Variants in SETBP1 observed in about 807,000 individuals in gnomAD.
SETBP1 encodes SET binding protein 1.
SETBP1 carries 9 observed loss-of-function variants against 101.0 expected under a neutral mutation model. The observed-to-expected ratio is 0.09, with a 90% confidence interval of 0.05 to 0.16. SETBP1 has a LOEUF of 0.16. Ranked by LOEUF, SETBP1 falls within the 10% of genes least tolerant of loss-of-function variation. The probability of loss-of-function intolerance (pLI) is 1.00; values close to 1 mark genes in which losing one functional copy is unlikely to be tolerated. For missense variants in SETBP1, 1,858 were observed against 2,033.8 expected, an observed-to-expected ratio of 0.91 and a Z score of 1.66; for synonymous variants, 818 against 788.5, an observed-to-expected ratio of 1.04 and a Z score of -0.63.
At chr18:44,936,352 GCCACTGCATT>G (rs1332856832) in intron 3 of SETBP1, among the ~76,000 whole-genome samples, 1 of 152,214 alleles carries the variant, frequency 6.6e-6, no homozygotes, top group Non-Finnish European at 1.5e-5. Context: ...ATGCAGCAGT[GCCACTGCATT>G]CCAATTAGCC....
At chr18:44,823,107 G>C (rs1451949374) in intron 2 of SETBP1, among the ~76,000 whole-genome samples, 4 of 152,190 alleles carry the variant, frequency 2.6e-5, no homozygotes, top group Non-Finnish European at 5.9e-5. Context: ...CTCCAGGCTA[G>C]GCGATAGAGT....
intron 2 of SETBP1, among the ~76,000 whole-genome samples, chr18:44,853,442 A>G (rs556536660): frequency 1.3e-5 from 2 of 152,330 alleles, no homozygotes; most frequent in East Asian, 3.9e-4. Context: ...CATATTTATG[A>G]GGCACTGACT....
intron 1 of SETBP1, among the ~76,000 whole-genome samples, chr18:44,685,077 C>G (rs1205806441): frequency 6.6e-6 from 1 of 152,152 alleles, no homozygotes; most frequent in Non-Finnish European, 1.5e-5. Context: ...TGGGAGGTAG[C>G]TGCCACCCCC....
At chr18:44,799,002 A>G (rs1388320790) in intron 2 of SETBP1, among the ~76,000 whole-genome samples, 2 of 152,176 alleles carry the variant, frequency 1.3e-5, no homozygotes, top group Non-Finnish European at 2.9e-5. Context: ...TTCCTCAGTG[A>G]ATCAATCAAT....
At chr18:44,876,812 C>A in intron 3 of SETBP1, 2 of 1,440,356 alleles carry the variant, frequency 1.4e-6, no homozygotes, top group Admixed American at 5.6e-5. Context: ...TTCCATTCAA[C>A]AATGGAGACT....
chr18:44,850,023 C>T (rs931242287), intron 2 of SETBP1, among the ~76,000 whole-genome samples: 8 of 152,150 alleles, frequency 5.3e-5, no homozygotes, highest in African/African-American at 9.7e-5. Flanking sequence ...GCAAATGTTT[C>T]TAAATTGTTC....
intron 2 of SETBP1, among the ~76,000 whole-genome samples, chr18:44,783,781 C>T (rs573605101): frequency 6.6e-6 from 1 of 152,180 alleles, no homozygotes; most frequent in East Asian, 1.9e-4. Flanking sequence ...TTGACTTGTC[C>T]AAGATTGAAA....
chr18:44,895,192 G>A (rs1372807841), intron 3 of SETBP1, among the ~76,000 whole-genome samples: 11 of 96,124 alleles, frequency 1.1e-4, no homozygotes, highest in Non-Finnish European at 2.4e-4. Flanking sequence ...GGGGATGGGA[G>A]GGGAGGGGAG....
intron 2 of SETBP1, among the ~76,000 whole-genome samples, chr18:44,718,975 T>A (rs1032948766): frequency 6.6e-6 from 1 of 152,134 alleles, no homozygotes; most frequent in Non-Finnish European, 1.5e-5. Context: ...AAGAAACACC[T>A]TCAAGCAGAA....
intron 2 of SETBP1, among the ~76,000 whole-genome samples, chr18:44,841,730 A>G (rs756450016): frequency 5.3e-5 from 8 of 152,284 alleles, no homozygotes; most frequent in Non-Finnish European, 1.0e-4. Flanking sequence ...GCATCCAAGG[A>G]AGGGCCCCTC....
At chr18:44,929,392 G>A (rs2144980339) in intron 3 of SETBP1, among the ~76,000 whole-genome samples, 1 of 152,190 alleles carries the variant, frequency 6.6e-6, no homozygotes, top group South Asian at 2.1e-4. Context: ...TTGTTCTTTT[G>A]GCTTCGGATT....
intron 3 of SETBP1, among the ~76,000 whole-genome samples, chr18:44,914,972 A>G (rs2070393405): frequency 6.6e-6 from 1 of 152,116 alleles, no homozygotes. Context: ...GACAAGCAGA[A>G]GAGTCTATCT....
chr18:44,904,238 A>G (rs912100787), intron 3 of SETBP1, among the ~76,000 whole-genome samples: 2 of 152,196 alleles, frequency 1.3e-5, no homozygotes, highest in Non-Finnish European at 2.9e-5. Flanking sequence ...CTCCTCTGTG[A>G]CTAACTTTTT....
chr18:45,045,557 T>C (rs1486690705), intron 5 of SETBP1, among the ~76,000 whole-genome samples: 9 of 151,570 alleles, frequency 5.9e-5, no homozygotes, highest in Admixed American at 5.9e-4. Flanking sequence ...TCTCCTTCCA[T>C]TTGCCTTGTT....
intron 2 of SETBP1, among the ~76,000 whole-genome samples, chr18:44,866,536 T>C (rs544541412): frequency 1.3e-5 from 2 of 152,292 alleles, no homozygotes; most frequent in East Asian, 3.9e-4. Flanking sequence ...TTAGACAGGG[T>C]CTTGTTGGGC....
chr18:44,756,216 C>CAA (rs34254211), intron 2 of SETBP1, among the ~76,000 whole-genome samples: 3 of 108,272 alleles, frequency 2.8e-5, no homozygotes, highest in East Asian at 2.8e-4. Flanking sequence ...GACTCCATGT[C>CAA]AAAAAAAAAA....
Position 44,951,327 on chromosome 18 carries a change from A to G in SETBP1, c.1987A>G (p.Ile663Val), listed in dbSNP as rs766493205. 1.2e-5 allele frequency: 20 copies of G among 1,613,800 alleles called. No individual in the cohort carries two copies. Among genetic ancestry groups the G allele is most frequent in the Non-Finnish European group, 1.7e-5 (20 of 1,180,034 alleles). Residue 663 changes from isoleucine to valine, a missense_variant, in exon 4 of 6, where the codon ATC (isoleucine) becomes GTC (valine). Around this residue, in one of 12 missense-constraint regions of SETBP1, gnomAD observed 111 missense variants for 119.3 expected, o/e 0.93. Coordinates refer to ENST00000649279, the MANE Select transcript of SETBP1 (RefSeq NM_015559.3). This position sits in a 1 kb window ranked among gnomAD's most constrained non-coding sequence, Gnocchi z 7.8. ...GCTCGGCGTGTTGGATAAGAAGACC[A>G]TCAAAACTATCAATAAGATGAAGAC... Reference protein sequence around the residue: ...GKLGVLDKKTIKTINKMKTLK... With the variant: ...GKLGVLDKKTVKTINKMKTLK...
At chr18:44,858,580 A>G (rs2073019935) in intron 2 of SETBP1, among the ~76,000 whole-genome samples, 1 of 152,190 alleles carries the variant, frequency 6.6e-6, no homozygotes, top group Non-Finnish European at 1.5e-5. Flanking sequence ...ATTTTAAAAT[A>G]TTTATTTTGT....
intron 3 of SETBP1, among the ~76,000 whole-genome samples, chr18:44,899,873 A>T (rs1489398835): frequency 2.6e-5 from 4 of 152,156 alleles, no homozygotes; most frequent in Admixed American, 2.0e-4. Context: ...TGATTAAAGG[A>T]AAGGAGAAAG....
Sources: allele counts gnomAD v4.1 joint callset (sites outside exome capture counted in the v4.1 genomes callset), GRCh38; gene constraint gnomAD v4.1.1; regional missense constraint gnomAD v4.1.1; non-coding constraint Gnocchi (gnomAD v3.1); transcripts MANE v1.5; gene names NCBI Gene and HGNC (gene_info 2026-07-23, HGNC 2026-07-21).